Variants in VPS33A observed in about 807,000 individuals in gnomAD.
VPS33A encodes the protein VPS33A core subunit of CORVET and HOPS complexes, also known as vacuolar protein sorting-associated protein 33A.
VPS33A carries 32 observed loss-of-function variants against 71.8 expected under a neutral mutation model. The observed-to-expected ratio is 0.45, with a 90% confidence interval of 0.34 to 0.60. The LOEUF (loss-of-function observed/expected upper bound fraction) is 0.60. Ranked by LOEUF, VPS33A falls within the 20% of genes least tolerant of loss-of-function variation. The probability of loss-of-function intolerance (pLI) is 0.02; values close to 1 mark genes in which losing one functional copy is unlikely to be tolerated. For synonymous variants in VPS33A, 311 were observed against 292.7 expected, an observed-to-expected ratio of 1.06 and a Z score of -0.64; for missense variants, 625 against 748.5, an observed-to-expected ratio of 0.84 and a Z score of 1.92.
At chr12:122,263,283 A>G (rs1955022681) in intron 3 of VPS33A, among the ~76,000 whole-genome samples, 1 of 152,148 alleles carries the variant, frequency 6.6e-6, no homozygotes, top group Non-Finnish European at 1.5e-5. Context: ...GTGAGCCACC[A>G]TGCCCAGTCT....
At chr12:122,263,317 T>G (rs1378051367) in intron 3 of VPS33A, among the ~76,000 whole-genome samples, 1 of 152,176 alleles carries the variant, frequency 6.6e-6, no homozygotes, top group Non-Finnish European at 1.5e-5. Flanking sequence ...TAAAAATACG[T>G]AATTATTATT....
chr12:122,231,934 G>A lies in VPS33A; in HGVS notation c.*312C>T, dbSNP rs551439392. The A allele has an allele frequency of 9.9e-4, 394 of 396,522 alleles. 4 individuals carry two copies. The highest frequency in any genetic ancestry group is 7.6e-3 in the African/African-American group (370 of 48,526). 24.6% of individuals were successfully genotyped at this position (396,522 alleles called of 1,614,324 possible). A position where few individuals can be genotyped will look rare whatever the true frequency, so the allele number is the denominator to read the frequency against. On this transcript the variant is annotated 3_prime_UTR_variant, in exon 13 of 13. Transcript: ENST00000267199. ...TAGCCGGGTGTGGTGGTGCATGCCT[G>A]TAGTCCCAGCTACTCAGGAGGCTGA...
chr12:122,237,861 G>A (rs1304351065), intron 10 of VPS33A, among the ~76,000 whole-genome samples: 2 of 151,676 alleles, frequency 1.3e-5, no homozygotes, highest in Non-Finnish European at 2.9e-5. Flanking sequence ...TGTTGCCTAG[G>A]CTGGTTTTGG....
rs1287749838 is a variant in VPS33A, at chr12:122,266,391, G to A, written c.18C>T (p.Ser6=). 3.7e-6 allele frequency: 6 copies of A among 1,612,192 alleles called. No homozygotes were observed. The highest frequency in any genetic ancestry group is 5.1e-6 in the Non-Finnish European group (6 of 1,178,848). ...ACACGTTTAGGTTCACTCGGCCGTA[G>A]GACAGATGAGCCGCCATCTTGCTCC... MAAHL[S]YGRVNLNVLR... Residue 6 remains serine (S), a synonymous_variant, in exon 1 of 13, where the codon TCC becomes TCT. Transcript: ENST00000267199.
At chr12:122,266,282 G>A (rs761335442) in intron 1 of VPS33A, 25 bp downstream of exon 1, 19 of 1,605,108 alleles carry the variant, frequency 1.2e-5, no homozygotes, top group Non-Finnish European at 1.4e-5. Flanking sequence ...AGGCGAGGGC[G>A]GTGTCGCTGC....
intron 6 of VPS33A, among the ~76,000 whole-genome samples, chr12:122,246,105 C>CAGTAAA (rs1424008395): frequency 7.9e-5 from 12 of 152,228 alleles, no homozygotes; most frequent in Admixed American, 7.2e-4. Context: ...TGTAACTCTG[C>CAGTAAA]AGTAAAGCAA....
At chr12:122,261,567 CAT>C (rs1954995698) in intron 3 of VPS33A, 120 bp from the exon 4 acceptor site, 1 of 920,374 alleles carries the variant, frequency 1.1e-6, no homozygotes, top group African/African-American at 1.7e-5. Context: ...CTAGATAAAT[CAT>C]ATAAATACTG....
In VPS33A at chr12:122,230,564, C is replaced by G. The variant is rs931520813; in HGVS notation, c.*1682G>C. ...CCACTGCACTCCAGTCTGAAAAGAG[C>G]GTGAGACTCTGTCTCAAACAAACAA... is the stretch of plus-strand genomic sequence containing the variant. On this transcript the variant is annotated 3_prime_UTR_variant, in exon 13 of 13. Coordinates refer to ENST00000267199, the MANE Select transcript of VPS33A (RefSeq NM_022916.6). 2 of 152,094 alleles carry G rather than the reference C, an allele frequency of 1.3e-5. No homozygotes were observed. Among genetic ancestry groups the G allele is most frequent in the African/African-American group, 4.8e-5 (2 of 41,408 alleles). The allele number at this position is 152,094 out of a possible 1,614,324, so 9.4% of individuals were successfully genotyped here.
rs1287232272 is a variant in VPS33A at position 122,231,897 on chromosome 12, A to C, written c.*349T>G. 8.0e-6 allele frequency: 3 copies of C among 375,852 alleles called. No homozygotes were observed. Among genetic ancestry groups the C allele is most frequent in the Non-Finnish European group, 1.4e-5 (3 of 212,578 alleles). The allele number at this position is 375,852 out of a possible 1,614,324, so 23.3% of individuals were successfully genotyped here. A position where few individuals can be genotyped will look rare whatever the true frequency, so the allele number is the denominator to read the frequency against. The stretch of plus-strand genomic sequence containing the variant: ...CATGGTGAAACACCATGGCTACTAA[A>C]AATACAAAAATTAGCCGGGTGTGGT... On this transcript the variant is annotated 3_prime_UTR_variant, in exon 13 of 13. Coordinates refer to ENST00000267199, the MANE Select transcript of VPS33A (RefSeq NM_022916.6).
intron 6 of VPS33A, chr12:122,248,069 T>TGTGTGTGTGC (rs1223509242): frequency 6.6e-6 from 1 of 151,782 alleles, no homozygotes; most frequent in African/African-American, 2.4e-5. Flanking sequence ...GCTGTGTGTG[T>TGTGTGTGTGC]GTGTGTGTGT....
chr12:122,245,363 G>A lies in VPS33A; in HGVS notation c.776-601C>T, dbSNP rs559637344. Among the ~76,000 whole-genome samples the A allele has an allele frequency of 5.3e-5, 8 of 151,468 alleles. No individual in the cohort carries two copies. In the East Asian group the frequency reaches 1.6e-3, roughly 29 times the overall value. ...TAAAATACATTTCTTACTGTGGATT[G>A]GAATCCAAAATAGTTTAAAAGCCAT... On this transcript the variant is annotated intron_variant, in intron 6 of 12. Coordinates refer to ENST00000267199, the MANE Select transcript of VPS33A (RefSeq NM_022916.6).
rs1214903665 is a variant in VPS33A, at chr12:122,232,982, A to G, written c.1441-14T>C. ...GTCCGTGGGGTTCTGTGAGATAATT[A>G]AAGAACAAAAACCCTATAGATACAG... is the stretch of plus-strand genomic sequence containing the variant. On this transcript the variant is annotated splice_polypyrimidine_tract_variant and intron_variant, in intron 11 of 12. Coordinates refer to ENST00000267199, the MANE Select transcript of VPS33A (RefSeq NM_022916.6). 1 of 1,579,468 alleles carries G rather than the reference A, an allele frequency of 6.3e-7. No homozygotes were observed. Among genetic ancestry groups the G allele is most frequent in the African/African-American group, 1.4e-5 (1 of 73,776 alleles).
intron 11 of VPS33A, among the ~76,000 whole-genome samples, chr12:122,234,512 G>C (rs917592982): frequency 6.6e-6 from 1 of 152,090 alleles, no homozygotes; most frequent in African/African-American, 2.4e-5. Flanking sequence ...GGCTGGTCTT[G>C]AACTCCTGAC....
chr12:122,244,633 T>A lies in VPS33A; in HGVS notation c.905A>T (p.Lys302Met). The change falls in exon 7 of 13, where the codon AAG becomes ATG. Residue 302 changes from lysine to methionine, a missense_variant. Lys to Met is a moderately conservative substitution (Grantham distance 95). Transcript: ENST00000267199. ...CACAGAGCCAACTGCGTTGAAGTTCTTATCTCGGATCTCAGCATAGAGCTC... is the reference window on the plus strand; with the variant it reads ...CACAGAGCCAACTGCGTTGAAGTTCATATCTCGGATCTCAGCATAGAGCTC... The part of the protein sequence containing the change: ...AEELYAEIRD[K>M]NFNAVGSVLS... 6.2e-7 allele frequency: 1 copy of A among 1,614,150 alleles called. No individual in the cohort carries two copies. The highest frequency in any genetic ancestry group is 8.5e-7 in the Non-Finnish European group (1 of 1,179,972).
At chr12:122,265,934 G>C (rs1266413114) in intron 1 of VPS33A, among the ~76,000 whole-genome samples, 21 of 152,306 alleles carry the variant, frequency 1.4e-4, no homozygotes, top group Admixed American at 1.1e-3. Context: ...AGCTTCTAAG[G>C]TACACGTATG....
At chr12:122,250,569 G>A (rs1266623616) in intron 5 of VPS33A, among the ~76,000 whole-genome samples, 1 of 152,176 alleles carries the variant, frequency 6.6e-6, no homozygotes, top group Non-Finnish European at 1.5e-5. Flanking sequence ...GCACACCACA[G>A]CCTTCTTGTG....
At chr12:122,256,500 G>A (rs1215687427) in intron 4 of VPS33A, among the ~76,000 whole-genome samples, 1 of 152,026 alleles carries the variant, frequency 6.6e-6, no homozygotes, top group African/African-American at 2.4e-5. Context: ...CTTGAACTGG[G>A]GAGGTGGAAG....
rs187141949 is a variant in VPS33A at position 122,266,460 on chromosome 12, A to G, written c.-52T>C. 1 of 1,582,176 alleles carries G rather than the reference A, an allele frequency of 6.3e-7. No individual in the cohort carries two copies. The highest frequency in any genetic ancestry group is 1.7e-5 in the Admixed American group (1 of 58,040). Reference sequence around the variant, plus strand: ...ACGCCAACCGAGTCCGCCGGTTCCTACGGGAGGACCACGGACGCAGTCACG... The same window carrying G: ...ACGCCAACCGAGTCCGCCGGTTCCTGCGGGAGGACCACGGACGCAGTCACG... On this transcript the variant is annotated 5_prime_UTR_variant, in exon 1 of 13. Transcript: ENST00000267199.
chr12:122,266,430 C>T lies in VPS33A; in HGVS notation c.-22G>A. On this transcript the variant is annotated 5_prime_UTR_variant, in exon 1 of 13. Transcript: ENST00000267199. Reference sequence around the variant, plus strand: ...CCATCTTGCTCCACCACCCCCTGCCCCACAACGCCAACCGAGTCCGCCGGT... The same window carrying T: ...CCATCTTGCTCCACCACCCCCTGCCTCACAACGCCAACCGAGTCCGCCGGT... The T allele has an allele frequency of 6.2e-7, 1 of 1,601,340 alleles. No individual in the cohort carries two copies. Among genetic ancestry groups the T allele is most frequent in the East Asian group, 2.3e-5 (1 of 44,334 alleles).
Sources: allele counts gnomAD v4.1 joint callset (sites outside exome capture counted in the v4.1 genomes callset), GRCh38; gene constraint gnomAD v4.1.1; transcripts MANE v1.5; gene names NCBI Gene and HGNC (gene_info 2026-07-23, HGNC 2026-07-21).